Variants in ZNF131 observed in about 807,000 individuals in gnomAD.
The protein encoded by ZNF131 is zinc finger protein 131.
A neutral mutation model predicts 60.0 loss-of-function variants in ZNF131; 7 were observed. The observed-to-expected ratio is 0.12, with a 90% CI of 0.07 to 0.22. The LOEUF (loss-of-function observed/expected upper bound fraction) is 0.22. Among genes scored for constraint, ZNF131 ranks in the 10% least tolerant of loss-of-function variants. The probability of loss-of-function intolerance (pLI) is 1.00; values close to 1 mark genes in which losing one functional copy is unlikely to be tolerated. For synonymous variants in ZNF131, 257 were observed against 253.2 expected (o/e 1.01, Z -0.14); for missense variants, 493 against 740.9 (o/e 0.67, Z 3.88).
At position 43,161,547 on chromosome 5, in the gene ZNF131, G is replaced by T. The variant is rs776590130; in HGVS notation, c.670G>T (p.Gly224Cys). Residue 224 changes from glycine (G) to cysteine (C), a missense_variant, in exon 5 of 7, where the codon GGT (glycine) becomes TGT (cysteine). Gly to Cys is a radical substitution (Grantham distance 159). Coordinates refer to ENST00000682664, the MANE Select transcript of ZNF131 (RefSeq NM_001330707.2). ...AGATATTACCAGCAAGTACCGTCAA[G>T]GTGACAGAAAAGGGCAGATTAAAGA... The part of the protein sequence containing the change: ...LADITSKYRQ[G>C]DRKGQIKEDG... 1 of 1,614,264 alleles carries T rather than the reference G, an allele frequency of 6.2e-7. No individual in the cohort carries two copies. The highest frequency in any genetic ancestry group is 1.1e-5 in the South Asian group (1 of 91,092).
intron 4 of ZNF131, among the ~76,000 whole-genome samples, chr5:43,158,788 A>G (rs981438523): frequency 6.6e-6 from 1 of 151,462 alleles, no homozygotes; most frequent in Non-Finnish European, 1.5e-5. Flanking sequence ...GTTCCTGTGG[A>G]CTTCCCTCAA....
chr5:43,137,083 G>A (rs570155674), intron 3 of ZNF131, among the ~76,000 whole-genome samples: 1 of 152,222 alleles, frequency 6.6e-6, no homozygotes, highest in South Asian at 2.1e-4. Flanking sequence ...TGGAGACTTA[G>A]ACATAAGACC....
chr5:43,122,010 G>T, intron 1 of ZNF131, 29 bp from the exon 2 acceptor site: 1 of 1,609,628 alleles, frequency 6.2e-7, no homozygotes, highest in Non-Finnish European at 8.5e-7. Flanking sequence ...GAGCTCATGG[G>T]TGTACATTAT....
intron 5 of ZNF131, among the ~76,000 whole-genome samples, chr5:43,166,954 G>A (rs1750443380): frequency 6.6e-6 from 1 of 152,204 alleles, no homozygotes; most frequent in Non-Finnish European, 1.5e-5. Flanking sequence ...CACCGCATCC[G>A]GGTGAGACAC....
chr5:43,170,702 G>A (rs1445678368), intron 5 of ZNF131, among the ~76,000 whole-genome samples: 2 of 149,066 alleles, frequency 1.3e-5, no homozygotes, highest in African/African-American at 5.0e-5. Flanking sequence ...GTGCAATCTC[G>A]GCTCACTGCA....
rs371533325 is a variant in ZNF131 at position 43,173,499 on chromosome 5, C to G, written c.1185+51C>G. 6 of 1,571,828 alleles carry G rather than the reference C, an allele frequency of 3.8e-6. No homozygotes were observed. In the South Asian group the frequency reaches 4.7e-5, roughly 12 times the overall value. On this transcript the variant is annotated intron_variant, in intron 6 of 6. Transcript: ENST00000682664. ...TCTTAACAAAGGAGTCTTGTGTTTG[C>G]AGTCATCAAAAGCAAAGGGAAACAG...
chr5:43,142,564 A>C (rs1579783616), intron 4 of ZNF131, among the ~76,000 whole-genome samples: 1 of 151,938 alleles, frequency 6.6e-6, no homozygotes, highest in African/African-American at 2.4e-5. Context: ...TCGACCTCCC[A>C]AAGTGCTGGG....
chr5:43,137,442 C>G (rs977375754), intron 3 of ZNF131, among the ~76,000 whole-genome samples: 2 of 151,922 alleles, frequency 1.3e-5, no homozygotes, highest in Non-Finnish European at 2.9e-5. Context: ...GTGCTAAGAA[C>G]TTGAATAGAC....
At chr5:43,173,747 T>TCCCC (rs35900381) in intron 6 of ZNF131, among the ~76,000 whole-genome samples, 3 of 151,002 alleles carry the variant, frequency 2.0e-5, no homozygotes, top group African/African-American at 4.9e-5. Flanking sequence ...GTAATTAGAT[T>TCCCC]CCCCCCCCAT....
At chr5:43,139,085 C>T in intron 3 of ZNF131, 80 bp from the exon 4 acceptor site, 1 of 1,215,664 alleles carries the variant, frequency 8.2e-7, no homozygotes, top group Non-Finnish European at 1.1e-6. Context: ...GCTCCAAGCC[C>T]TGGGCTTTTC....
intron 3 of ZNF131, among the ~76,000 whole-genome samples, chr5:43,136,595 C>T (rs1170722192): frequency 7.1e-6 from 1 of 140,332 alleles, no homozygotes; most frequent in Non-Finnish European, 1.5e-5. Flanking sequence ...GCTGGGATTA[C>T]AGGTGCGTGC....
intron 4 of ZNF131, among the ~76,000 whole-genome samples, chr5:43,155,295 A>G (rs182701849): frequency 9.9e-5 from 15 of 152,266 alleles, no homozygotes; most frequent in Admixed American, 6.5e-4. Context: ...CTCACCCCCA[A>G]ATGGGAATAT....
chr5:43,134,781 A>ACCT (rs2112211955), intron 3 of ZNF131, among the ~76,000 whole-genome samples: 1 of 140,786 alleles, frequency 7.1e-6, no homozygotes, highest in African/African-American at 2.7e-5. Flanking sequence ...GCTCACTGCA[A>ACCT]CCTCCGCCTC....
chr5:43,176,118 TTAATG>T lies in ZNF131; in HGVS notation c.*989_*993del, dbSNP rs1159988795. The T allele has an allele frequency of 2.6e-5, 4 of 152,250 alleles. 1 individual carries two copies. The highest frequency in any genetic ancestry group is 9.6e-5 in the African/African-American group (4 of 41,460). The allele number at this position is 152,250 out of a possible 1,614,324, so 9.4% of individuals were successfully genotyped here. Reference sequence around the variant, plus strand: ...TGAATGGAATCTTTTCCCCCAATTCTTAATGTAAAGATCTTGTGCTATAACTTTTA... The same window carrying T: ...TGAATGGAATCTTTTCCCCCAATTCTTAAAGATCTTGTGCTATAACTTTTA... On this transcript the variant is annotated 3_prime_UTR_variant, in exon 7 of 7. Transcript: ENST00000682664.
At chr5:43,142,430 A>C (rs1388335509) in intron 4 of ZNF131, among the ~76,000 whole-genome samples, 1 of 149,868 alleles carries the variant, frequency 6.7e-6, no homozygotes, top group Non-Finnish European at 1.5e-5. Context: ...CAGCCTCCCG[A>C]GTAGCTGTGA....
chr5:43,175,719 T>TTAAA lies in ZNF131; in HGVS notation c.*586_*587insTAAA, dbSNP rs770240391. On this transcript the variant is annotated 3_prime_UTR_variant, in exon 7 of 7. Transcript: ENST00000682664. The stretch of plus-strand genomic sequence containing the variant: ...GGTGGTGGCAAAATTTCTAGAATGT[T>TTAAA]AAAAAAAAAAAAAAATCCACACCCA... 490 of 225,948 alleles carry TTAAA rather than the reference T, an allele frequency of 2.2e-3. No homozygotes were observed. The highest frequency in any genetic ancestry group is 4.4e-3 in the South Asian group (57 of 12,928). 14.0% of individuals were successfully genotyped at this position (225,948 alleles called of 1,614,324 possible). A position where few individuals can be genotyped will look rare whatever the true frequency, so the allele number is the denominator to read the frequency against.
At chr5:43,129,993 C>T (rs1013061147) in intron 3 of ZNF131, among the ~76,000 whole-genome samples, 5 of 149,066 alleles carry the variant, frequency 3.4e-5, no homozygotes, top group Non-Finnish European at 7.4e-5. Context: ...AGGCCAGGCG[C>T]GGTGGCTCAT....
chr5:43,150,501 AG>A (rs1292347784), intron 4 of ZNF131, among the ~76,000 whole-genome samples: 70 of 152,286 alleles, frequency 4.6e-4, no homozygotes, highest in African/African-American at 1.6e-3. Flanking sequence ...CGTAGGGACC[AG>A]GACCTGGCTG....
At chr5:43,159,950 G>A (rs1749441736) in intron 4 of ZNF131, among the ~76,000 whole-genome samples, 1 of 152,176 alleles carries the variant, frequency 6.6e-6, no homozygotes, top group African/African-American at 2.4e-5. Flanking sequence ...GCCAAGGCGG[G>A]CAGATCACAA....
Sources: gnomAD v4.1 joint callset for allele counts (sites outside exome capture counted in the v4.1 genomes callset) on GRCh38, gnomAD v4.1.1 for gene constraint, MANE v1.5 for transcripts, NCBI Gene and HGNC (gene_info 2026-07-23, HGNC 2026-07-21) for gene names.